The following SEMA3E variants were observed in gnomAD, a reference collection of about 807,000 sequenced individuals.
SEMA3E encodes semaphorin-3E.
SEMA3E carries 49 observed loss-of-function variants against 93.6 expected under a neutral mutation model. The ratio of observed to expected loss-of-function variants is 0.52; its 90% CI spans 0.42 to 0.66. The LOEUF (loss-of-function observed/expected upper bound fraction) is 0.66. Ranked by LOEUF, SEMA3E falls within the 30% of genes least tolerant of loss-of-function variation. The probability of loss-of-function intolerance (pLI) is 0.00; values close to 1 mark genes in which losing one functional copy is unlikely to be tolerated. For missense variants in SEMA3E, 906 were observed against 964.8 expected (o/e 0.94, Z 0.81); for synonymous variants, 363 against 330.7 (o/e 1.10, Z -1.06).
intron 1 of SEMA3E, among the ~76,000 whole-genome samples, chr7:83,647,826 C>T (rs1372847038): frequency 6.6e-6 from 1 of 152,096 alleles, no homozygotes; most frequent in African/African-American, 2.4e-5. Flanking sequence ...CTTTGCCACA[C>T]ATGAAAAAAT....
At chr7:83,482,564 CAA>C (rs11429680) in intron 2 of SEMA3E, among the ~76,000 whole-genome samples, 5 of 80,220 alleles carry the variant, frequency 6.2e-5, no homozygotes, top group Admixed American at 1.8e-4. Context: ...CACTCCGTCT[CAA>C]AAAAAAAAAA....
At chr7:83,459,551 TCTA>T (rs774681208) in intron 4 of SEMA3E, among the ~76,000 whole-genome samples, 9 of 152,324 alleles carry the variant, frequency 5.9e-5, no homozygotes, top group African/African-American at 7.2e-5. Flanking sequence ...TCTCTAAAGT[TCTA>T]CTTTTATATC....
chr7:83,550,695 T>C (rs1791747465), intron 1 of SEMA3E, among the ~76,000 whole-genome samples: 1 of 152,092 alleles, frequency 6.6e-6, no homozygotes, highest in African/African-American at 2.4e-5. Flanking sequence ...TATTTTATCA[T>C]CTACTCATCA....
Position 83,418,432 on chromosome 7 carries a change from A to T in SEMA3E, c.508T>A (p.Cys170Ser), listed in dbSNP as rs1223254192. The T allele has an allele frequency of 3.7e-6, 6 of 1,612,122 alleles. No homozygotes were observed. Among genetic ancestry groups the T allele is most frequent in the Non-Finnish European group, 5.1e-6 (6 of 1,179,176 alleles). Residue 170 changes from cysteine (C) to serine (S), a missense_variant, in exon 5 of 17, where the codon TGT becomes AGT. Coordinates refer to ENST00000643230, the MANE Select transcript of SEMA3E (RefSeq NM_012431.3). ...SPRSERGRGR[C>S]PFDPSSSFIS... Reference sequence around the variant, plus strand: ...AAGGAGGAGCTGGGGTCAAAAGGACATCTGCCCCTTCCTCTCTCAGATCTG... The same window carrying T: ...AAGGAGGAGCTGGGGTCAAAAGGACTTCTGCCCCTTCCTCTCTCAGATCTG...
At chr7:83,607,197 A>G (rs1793142274) in intron 1 of SEMA3E, among the ~76,000 whole-genome samples, 1 of 152,240 alleles carries the variant, frequency 6.6e-6, no homozygotes, top group Non-Finnish European at 1.5e-5. Context: ...TAAAAAGTAC[A>G]GATTCAACCA....
At chr7:83,531,341 CT>C (rs144165250) in intron 1 of SEMA3E, among the ~76,000 whole-genome samples, 11,413 of 67,532 alleles carry the variant, frequency 0.17, 617 homozygotes, top group African/African-American at 0.24. Context: ...TTGGAATATT[CT>C]TTTTTTTTTT....
intron 1 of SEMA3E, among the ~76,000 whole-genome samples, chr7:83,540,629 C>A (rs1249157088): frequency 6.6e-6 from 1 of 152,124 alleles, no homozygotes; most frequent in Non-Finnish European, 1.5e-5. Flanking sequence ...AGTAGTACTT[C>A]TCAAGGGTTG....
At chr7:83,509,868 C>G (rs1790781278) in intron 1 of SEMA3E, among the ~76,000 whole-genome samples, 1 of 152,170 alleles carries the variant, frequency 6.6e-6, no homozygotes, top group African/African-American at 2.4e-5. Flanking sequence ...ATAGTATTTA[C>G]TTAGTCCCTG....
intron 4 of SEMA3E, among the ~76,000 whole-genome samples, chr7:83,446,244 C>A (rs994538787): frequency 6.6e-6 from 1 of 152,158 alleles, no homozygotes; most frequent in Non-Finnish European, 1.5e-5. Flanking sequence ...GCAACTTGGA[C>A]AATGCCAAGA....
At position 83,507,155 on chromosome 7, in the gene SEMA3E, C is replaced by T. The variant is rs151234127; in HGVS notation, c.116-16881G>A. Among the ~76,000 whole-genome samples the T allele has an allele frequency of 2.7e-3, 405 of 152,262 alleles. 3 individuals are homozygous for T. The highest frequency in any genetic ancestry group is 9.3e-3 in the African/African-American group (387 of 41,544). The stretch of plus-strand genomic sequence containing the variant: ...TGCTAGTGCCCAGGTAACTGGCCAT[C>T]CATCATCTAGTCAAATATGATCTTT... On this transcript the variant is annotated intron_variant, in intron 1 of 16. Coordinates refer to ENST00000643230, the MANE Select transcript of SEMA3E (RefSeq NM_012431.3).
At chr7:83,391,346 T>A (rs200534406) in intron 14 of SEMA3E, among the ~76,000 whole-genome samples, 1 of 152,176 alleles carries the variant, frequency 6.6e-6, no homozygotes, top group Non-Finnish European at 1.5e-5. Context: ...TAGGTTCCAA[T>A]TTCCTTTAGA....
chr7:83,483,933 G>A (rs548519045), intron 2 of SEMA3E, among the ~76,000 whole-genome samples: 5 of 152,196 alleles, frequency 3.3e-5, no homozygotes, highest in African/African-American at 9.6e-5. Context: ...GTATTGACCC[G>A]ACCCACTTCC....
intron 1 of SEMA3E, among the ~76,000 whole-genome samples, chr7:83,587,478 G>A (rs553664223): frequency 6.6e-6 from 1 of 152,126 alleles, no homozygotes; most frequent in Non-Finnish European, 1.5e-5. Context: ...AAGTCATCAA[G>A]TTGGTCTTAG....
intron 2 of SEMA3E, among the ~76,000 whole-genome samples, chr7:83,474,095 T>TAAAAAAA (rs11324407): frequency 1.8e-5 from 2 of 108,598 alleles, no homozygotes; most frequent in Non-Finnish European, 3.8e-5. Context: ...CTATCTCAAT[T>TAAAAAAA]AAAAAAAAAA....
intron 2 of SEMA3E, among the ~76,000 whole-genome samples, chr7:83,485,930 GAAAT>G (rs545942260): frequency 1.1e-4 from 16 of 152,204 alleles, no homozygotes; most frequent in African/African-American, 1.7e-4. Flanking sequence ...AGATACTAAA[GAAAT>G]AAATAGAAAG....
intron 1 of SEMA3E, among the ~76,000 whole-genome samples, chr7:83,627,854 T>G (rs2115660074): frequency 6.6e-6 from 1 of 152,248 alleles, no homozygotes; most frequent in Middle Eastern, 3.4e-3. Context: ...TTTGATCCTG[T>G]CGTTATGATG....
chr7:83,610,020 G>A (rs1793218413), intron 1 of SEMA3E, among the ~76,000 whole-genome samples: 1 of 151,848 alleles, frequency 6.6e-6, no homozygotes, highest in Non-Finnish European at 1.5e-5. Context: ...AATATTTCTG[G>A]AAAATATTAT....
intron 2 of SEMA3E, among the ~76,000 whole-genome samples, chr7:83,483,311 CATT>C (rs1205840481): frequency 6.6e-6 from 1 of 152,022 alleles, no homozygotes; most frequent in African/African-American, 2.4e-5. Flanking sequence ...CATTAACACT[CATT>C]ATTAATTGGA....
chr7:83,624,952 G>A (rs1229446228), intron 1 of SEMA3E, among the ~76,000 whole-genome samples: 1 of 152,102 alleles, frequency 6.6e-6, no homozygotes, highest in Non-Finnish European at 1.5e-5. Flanking sequence ...TAGCTAGCCA[G>A]TTTTCCCAAC....
Sources: gnomAD v4.1 joint callset for allele counts (sites outside exome capture counted in the v4.1 genomes callset) on GRCh38, gnomAD v4.1.1 for gene constraint, MANE v1.5 for transcripts, NCBI Gene and HGNC (gene_info 2026-07-23, HGNC 2026-07-21) for gene names.